The following MGAT5 variants were observed in gnomAD, a reference collection of about 807,000 sequenced individuals.
The protein encoded by MGAT5 is alpha-1,6-mannosylglycoprotein 6-beta-N-acetylglucosaminyltransferase A.
Under a neutral mutation model 94.3 loss-of-function variants are expected in MGAT5, and 30 were observed. The ratio of observed to expected loss-of-function variants is 0.32; its 90% confidence interval spans 0.24 to 0.43. The LOEUF is 0.43. MGAT5 is among the 20% of genes least tolerant of loss of function. MGAT5 has a pLI of 1.00. For synonymous variants in MGAT5, 310 were observed against 322.9 expected, an observed-to-expected ratio of 0.96 and a Z score of 0.43; for missense variants, 691 against 905.5, an observed-to-expected ratio of 0.76 and a Z score of 3.04.
intron 1 of MGAT5, among the ~76,000 whole-genome samples, chr2:134,155,382 G>A (rs1407364979): frequency 6.6e-6 from 1 of 152,238 alleles, no homozygotes; most frequent in Non-Finnish European, 1.5e-5. Context: ...CGAAGTGGTT[G>A]AGAGCTTGGT....
intron 1 of MGAT5, among the ~76,000 whole-genome samples, chr2:134,184,424 A>G (rs1688896696): frequency 6.6e-6 from 1 of 151,986 alleles, no homozygotes; most frequent in South Asian, 2.1e-4. Context: ...TGCTCTGGGC[A>G]TGTGCTCTTC....
chr2:134,374,666 C>T (rs1227585692), intron 10 of MGAT5, among the ~76,000 whole-genome samples: 2 of 152,160 alleles, frequency 1.3e-5, no homozygotes, highest in Non-Finnish European at 2.9e-5. Flanking sequence ...CTGTGCAGCC[C>T]TCAGTACTGA....
intron 1 of MGAT5, among the ~76,000 whole-genome samples, chr2:134,262,690 C>A (rs910897601): frequency 2.2e-4 from 33 of 152,232 alleles, no homozygotes; most frequent in African/African-American, 7.7e-4. Context: ...CCAACCAGCG[C>A]TTAATTAAAA....
At chr2:134,121,558 C>A (rs1433926404) in intron 1 of MGAT5, among the ~76,000 whole-genome samples, 1 of 152,190 alleles carries the variant, frequency 6.6e-6, no homozygotes, top group East Asian at 1.9e-4. Context: ...GCCCGGCCCT[C>A]CTGGGACCGA....
chr2:134,267,039 G>A (rs1287873416), intron 1 of MGAT5, among the ~76,000 whole-genome samples: 1 of 152,146 alleles, frequency 6.6e-6, no homozygotes, highest in Admixed American at 6.5e-5. Context: ...ATACTGGGTC[G>A]GGTGGACAGA....
chr2:134,245,898 T>G (rs905922875), intron 1 of MGAT5, among the ~76,000 whole-genome samples: 1 of 152,132 alleles, frequency 6.6e-6, no homozygotes, highest in African/African-American at 2.4e-5. Context: ...TGGGTGGCAT[T>G]GGAGGTTTTC....
At chr2:134,176,019 CTG>C (rs934402046) in intron 1 of MGAT5, among the ~76,000 whole-genome samples, 4 of 152,160 alleles carry the variant, frequency 2.6e-5, no homozygotes, top group Non-Finnish European at 4.4e-5. Flanking sequence ...ATCCATTTAA[CTG>C]TTTGTTTTGG....
intron 11 of MGAT5, among the ~76,000 whole-genome samples, chr2:134,407,627 G>C (rs948511785): frequency 6.6e-6 from 1 of 152,100 alleles, no homozygotes; most frequent in Non-Finnish European, 1.5e-5. Flanking sequence ...ATATATTCTA[G>C]GCCTTAGTCT....
intron 14 of MGAT5, 24 bp downstream of exon 14, chr2:134,428,463 T>C (rs760152591): frequency 1.2e-6 from 2 of 1,602,602 alleles, no homozygotes; most frequent in Non-Finnish European, 1.7e-6. Context: ...GAAGTCAGTC[T>C]GTCTTTGCTG....
intron 1 of MGAT5, among the ~76,000 whole-genome samples, chr2:134,172,390 T>A (rs79558888): frequency 0.088 from 13,338 of 151,450 alleles, 1,755 homozygotes; most frequent in African/African-American, 0.28. Flanking sequence ...TTTTTTTTTT[T>A]AATTAATTAT....
chr2:134,199,482 A>G (rs1473807861), intron 1 of MGAT5, among the ~76,000 whole-genome samples: 1 of 146,648 alleles, frequency 6.8e-6, no homozygotes, highest in Non-Finnish European at 1.5e-5. Context: ...CTGCAACTGT[A>G]TTTTGCTTGC....
At chr2:134,215,599 G>A (rs1333139814) in intron 1 of MGAT5, among the ~76,000 whole-genome samples, 1 of 152,146 alleles carries the variant, frequency 6.6e-6, no homozygotes, top group Non-Finnish European at 1.5e-5. Flanking sequence ...TCACTCTCTT[G>A]ATACTGCATT....
At chr2:134,270,294 A>G (rs1683950739) in intron 1 of MGAT5, 92 bp from the exon 2 acceptor site, 1 of 1,242,238 alleles carries the variant, frequency 8.0e-7, no homozygotes, top group Admixed American at 2.3e-5. Flanking sequence ...GAAACATTTG[A>G]GAAGTTTTGT....
At chr2:134,220,300 C>T (rs1049323008) in intron 1 of MGAT5, among the ~76,000 whole-genome samples, 5 of 152,150 alleles carry the variant, frequency 3.3e-5, no homozygotes, top group Admixed American at 6.5e-5. Flanking sequence ...ACATTCACTC[C>T]GTTTTTCTTT....
chr2:134,370,578 C>T (rs1018259210), intron 10 of MGAT5, among the ~76,000 whole-genome samples: 2 of 152,268 alleles, frequency 1.3e-5, no homozygotes, highest in Admixed American at 6.5e-5. Context: ...TTGGAGATGG[C>T]GCTTGCCAGA....
chr2:134,406,413 TG>T (rs1404892309), intron 11 of MGAT5, among the ~76,000 whole-genome samples: 3 of 152,222 alleles, frequency 2.0e-5, no homozygotes, highest in Non-Finnish European at 4.4e-5. Flanking sequence ...ATGACGGCAC[TG>T]TTTCCCCATC....
intron 13 of MGAT5, among the ~76,000 whole-genome samples, chr2:134,425,894 CTT>C (rs58839374): frequency 4.0e-4 from 58 of 144,276 alleles, no homozygotes; most frequent in South Asian, 4.4e-4. Flanking sequence ...AGTAACAGTC[CTT>C]TTTTTTTTTT....
chr2:134,154,480 A>T (rs1687381389), intron 1 of MGAT5, among the ~76,000 whole-genome samples: 1 of 152,114 alleles, frequency 6.6e-6, no homozygotes, highest in African/African-American at 2.4e-5. Flanking sequence ...TCCTGATTAG[A>T]CCTGTCACGG....
chr2:134,272,581 G>A (rs948257502), intron 2 of MGAT5, among the ~76,000 whole-genome samples: 11 of 152,230 alleles, frequency 7.2e-5, no homozygotes, highest in African/African-American at 1.9e-4. Flanking sequence ...AAAAAAATTG[G>A]GAGGCAGGGA....
Sources: gnomAD v4.1 joint callset for allele counts (sites outside exome capture counted in the v4.1 genomes callset) on GRCh38, gnomAD v4.1.1 for gene constraint, MANE v1.5 for transcripts, NCBI Gene and HGNC (gene_info 2026-07-23, HGNC 2026-07-21) for gene names.